Variants in COPS3 observed in about 807,000 individuals in gnomAD.
The protein encoded by COPS3 is COP9 signalosome subunit 3, also known as COP9 signalosome complex subunit 3.
A neutral mutation model predicts 58.2 loss-of-function variants in COPS3; 10 were observed. That is an observed-to-expected ratio of 0.17 (90% CI 0.11 to 0.29). COPS3 has a LOEUF of 0.29. Among genes scored for constraint, COPS3 ranks in the 10% least tolerant of loss-of-function variants. The pLI is 1.00. For synonymous variants in COPS3, 187 were observed against 181.7 expected (o/e 1.03, Z -0.24); for missense variants, 333 against 510.1 (o/e 0.65, Z 3.34).
intron 8 of COPS3, among the ~76,000 whole-genome samples, chr17:17,257,569 G>A (rs1416867945): frequency 8.6e-5 from 13 of 151,572 alleles, no homozygotes; most frequent in African/African-American, 1.4e-4. Flanking sequence ...AGGCTGAGGC[G>A]GGCGGATCAC....
chr17:17,263,117 T>C (rs1269906520), intron 6 of COPS3, among the ~76,000 whole-genome samples: 2 of 151,672 alleles, frequency 1.3e-5, no homozygotes, highest in Admixed American at 6.6e-5. Context: ...TGAAACCCCA[T>C]CTCTACTAAA....
In COPS3 at chr17:17,262,088, T is replaced by C. The variant is rs757565947; in HGVS notation, c.640A>G (p.Met214Val). 2 of 1,610,586 alleles carry C rather than the reference T, an allele frequency of 1.2e-6. No homozygotes were observed. The highest frequency in any genetic ancestry group is 1.1e-5 in the South Asian group (1 of 90,350). Residue 214 changes from methionine to valine, a missense_variant, in exon 7 of 12, where the codon ATG becomes GTG. Met to Val is a conservative substitution (Grantham distance 21). Transcript: ENST00000268717. ...FYEQAITTPA[M>V]AVSHIMLESY... is the part of the protein sequence containing the mutation. ...TCCAACATGATATGACTGACCGCCA[T>C]GGCAGGAGTAGTTATAGCCTAGGCA... is the stretch of plus-strand genomic sequence containing the variant.
chr17:17,267,198 C>T (rs1271007448), intron 5 of COPS3, among the ~76,000 whole-genome samples: 1 of 151,368 alleles, frequency 6.6e-6, no homozygotes, highest in African/African-American at 2.4e-5. Context: ...ATTAGCCAGG[C>T]GTGATAGCGG....
rs371463144 is a variant in COPS3, at chr17:17,272,637, G to A, written c.186-1629C>T. Among the ~76,000 whole-genome samples the A allele has an allele frequency of 1.0e-3, 159 of 152,142 alleles. 1 individual carries two copies. The South Asian group carries it at 0.015, about 15-fold the overall frequency. On this transcript the variant is annotated intron_variant, in intron 2 of 11. Coordinates refer to ENST00000268717, the MANE Select transcript of COPS3 (RefSeq NM_003653.4). ...TGAATGAAAATATTGGCTGGGCACA[G>A]TTGCTCATAATCCCAACACTTTGGG... is the stretch of plus-strand genomic sequence containing the variant.
chr17:17,259,558 C>G (rs1457926831), intron 8 of COPS3, among the ~76,000 whole-genome samples: 1 of 152,122 alleles, frequency 6.6e-6, no homozygotes, highest in East Asian at 1.9e-4. Context: ...TTGTACAACC[C>G]TGGCCTAAAT....
At chr17:17,250,440 G>C (rs143853077) in intron 9 of COPS3, among the ~76,000 whole-genome samples, 6 of 151,640 alleles carry the variant, frequency 4.0e-5, no homozygotes, top group Non-Finnish European at 7.4e-5. Context: ...ATTTTTAGTA[G>C]AGATGACGTT....
At chr17:17,257,657 T>C (rs2048005849) in intron 8 of COPS3, among the ~76,000 whole-genome samples, 1 of 151,070 alleles carries the variant, frequency 6.6e-6, no homozygotes, top group Non-Finnish European at 1.5e-5. Flanking sequence ...ATTAGCCAGG[T>C]GTGGTGGCGG....
intron 6 of COPS3, among the ~76,000 whole-genome samples, chr17:17,263,729 G>A (rs2048161646): frequency 6.6e-6 from 1 of 151,426 alleles, no homozygotes; most frequent in Admixed American, 6.6e-5. Flanking sequence ...GGTCAGGCTG[G>A]TCTCGAACTC....
At chr17:17,259,018 C>T (rs1323882731) in intron 8 of COPS3, among the ~76,000 whole-genome samples, 2 of 152,112 alleles carry the variant, frequency 1.3e-5, no homozygotes, top group Non-Finnish European at 2.9e-5. Context: ...GGTCTGCCCA[C>T]CTCAACGGCC....
At chr17:17,269,468 C>T (rs951257417) in intron 4 of COPS3, among the ~76,000 whole-genome samples, 2 of 151,960 alleles carry the variant, frequency 1.3e-5, no homozygotes, top group Non-Finnish European at 2.9e-5. Flanking sequence ...AGGTGACATG[C>T]GCCTGTAGTC....
At chr17:17,270,641 C>G in intron 4 of COPS3, 117 bp downstream of exon 4, 1 of 917,904 alleles carries the variant, frequency 1.1e-6, no homozygotes, top group South Asian at 1.7e-5. Flanking sequence ...CTCAAGTGAC[C>G]ACAGATATCT....
chr17:17,277,457 G>A (rs888055085), intron 1 of COPS3, among the ~76,000 whole-genome samples: 5 of 152,120 alleles, frequency 3.3e-5, no homozygotes, highest in African/African-American at 7.2e-5. Context: ...TCATTCTGTC[G>A]CTCAGGCTGC....
chr17:17,260,221 C>T (rs1037274553), intron 8 of COPS3, 80 bp downstream of exon 8: 1 of 1,377,172 alleles, frequency 7.3e-7, no homozygotes, highest in African/African-American at 1.4e-5. Context: ...CCTGCTTCCT[C>T]AGCTCTGAAA....
intron 6 of COPS3, among the ~76,000 whole-genome samples, chr17:17,263,014 C>T (rs1483141114): frequency 6.6e-6 from 1 of 150,860 alleles, no homozygotes; most frequent in African/African-American, 2.4e-5. Context: ...CCTGGCTGGG[C>T]GTGTTGGCTC....
chr17:17,250,555 T>C, intron 9 of COPS3, among the ~76,000 whole-genome samples: 1 of 152,236 alleles, frequency 6.6e-6, no homozygotes, highest in East Asian at 1.9e-4. Context: ...AAGAAAACTT[T>C]ACTACCACTG....
At chr17:17,272,804 A>G (rs971895677) in intron 2 of COPS3, among the ~76,000 whole-genome samples, 1 of 152,166 alleles carries the variant, frequency 6.6e-6, no homozygotes, top group African/African-American at 2.4e-5. Context: ...CAAGATGCTG[A>G]GGTGGGAGGA....
At chr17:17,270,616 A>AT in intron 4 of COPS3, 142 bp downstream of exon 4, 1 of 757,774 alleles carries the variant, frequency 1.3e-6, no homozygotes, top group Non-Finnish European at 2.1e-6. Context: ...GCTTACAGCA[A>AT]TGGCTGTGAG....
intron 10 of COPS3, among the ~76,000 whole-genome samples, chr17:17,248,450 G>C (rs1330380133): frequency 6.6e-6 from 1 of 152,160 alleles, no homozygotes; most frequent in African/African-American, 2.4e-5. Flanking sequence ...GAGTAGCTGG[G>C]ATTACAGGCG....
intron 9 of COPS3, 111 bp from the exon 10 acceptor site, chr17:17,249,150 A>C: frequency 4.9e-6 from 3 of 617,150 alleles, no homozygotes; most frequent in Middle Eastern, 6.1e-4. Flanking sequence ...GGATATAAAT[A>C]AACTTGTATA....
Sources: gnomAD v4.1 joint callset for allele counts (sites outside exome capture counted in the v4.1 genomes callset) on GRCh38, gnomAD v4.1.1 for gene constraint, MANE v1.5 for transcripts, NCBI Gene and HGNC (gene_info 2026-07-23, HGNC 2026-07-21) for gene names.